Variants in PRKN observed in about 807,000 individuals in gnomAD.
PRKN encodes parkin RBR E3 ubiquitin protein ligase.
A neutral mutation model predicts 59.5 loss-of-function variants in PRKN; 56 were observed. The observed-to-expected ratio is 0.94, with a 90% CI of 0.76 to 1.18. The LOEUF is 1.18. Ranked by LOEUF, PRKN falls within the 50% of genes most tolerant of loss-of-function variation. The probability of loss-of-function intolerance (pLI) is 0.00; values close to 1 mark genes in which losing one functional copy is unlikely to be tolerated. For missense variants in PRKN, 657 were observed against 596.4 expected, an observed-to-expected ratio of 1.10 and a Z score of -1.06; for synonymous variants, 250 against 222.1, an observed-to-expected ratio of 1.13 and a Z score of -1.12.
At chr6:161,802,569 TG>T (rs1276700640) in intron 6 of PRKN, among the ~76,000 whole-genome samples, 1 of 152,062 alleles carries the variant, frequency 6.6e-6, no homozygotes, top group African/African-American at 2.4e-5. Flanking sequence ...GCTTCCCCAA[TG>T]GTCACGTGGC....
chr6:162,061,547 T>G (rs2128287840), intron 4 of PRKN, among the ~76,000 whole-genome samples: 1 of 152,264 alleles, frequency 6.6e-6, no homozygotes, highest in East Asian at 1.9e-4. Flanking sequence ...TTATAACTCT[T>G]CTAAAGCATG....
At chr6:162,230,709 C>T (rs764267761) in intron 3 of PRKN, among the ~76,000 whole-genome samples, 6 of 152,168 alleles carry the variant, frequency 3.9e-5, no homozygotes, top group African/African-American at 1.4e-4. Flanking sequence ...GAGAGAATCC[C>T]ATTCTTGCTT....
chr6:162,003,600 G>A (rs1394837774), intron 5 of PRKN, among the ~76,000 whole-genome samples: 2 of 152,036 alleles, frequency 1.3e-5, no homozygotes, highest in African/African-American at 4.8e-5. Context: ...TTATTTACAT[G>A]CTGAAACTGT....
At position 161,390,779 on chromosome 6, in the gene PRKN, G is replaced by A. The variant is rs111996014; in HGVS notation, c.1084-3902C>T. 2.6e-5 allele frequency among the ~76,000 whole-genome samples: 4 copies of A among 152,226 alleles called. No individual in the cohort carries two copies. Among genetic ancestry groups the A allele is most frequent in the African/African-American group, 7.2e-5 (3 of 41,504 alleles). ...GCTGGGATTACAGGCATGAGCCACC[G>A]TGCCTGGCCAAGACGTGATTATTTT... On this transcript the variant is annotated intron_variant, in intron 9 of 11. Transcript: ENST00000366898. This position sits in a 1 kb window ranked among gnomAD's most constrained non-coding sequence, Gnocchi z 7.0.
chr6:161,932,813 C>T (rs568473288), intron 6 of PRKN, among the ~76,000 whole-genome samples: 118 of 151,536 alleles, frequency 7.8e-4, no homozygotes, highest in African/African-American at 2.6e-3. Context: ...AAAAGAAAAA[C>T]ATATTTATGC....
chr6:161,616,832 C>T (rs946575525), intron 7 of PRKN, among the ~76,000 whole-genome samples: 2 of 151,984 alleles, frequency 1.3e-5, no homozygotes, highest in African/African-American at 4.8e-5. Flanking sequence ...GGGTTGGTTC[C>T]AAGTCTTTGC....
chr6:162,615,044 TTA>T (rs931991004), intron 1 of PRKN, among the ~76,000 whole-genome samples: 5 of 152,148 alleles, frequency 3.3e-5, no homozygotes, highest in Admixed American at 2.6e-4. Context: ...AAGAAGATCA[TTA>T]TGTCTTAATG....
chr6:162,259,589 G>C (rs931701067), intron 3 of PRKN, among the ~76,000 whole-genome samples: 1 of 152,212 alleles, frequency 6.6e-6, no homozygotes, highest in Non-Finnish European at 1.5e-5. Flanking sequence ...TAGGCATACT[G>C]TTTGCATATA....
intron 7 of PRKN, among the ~76,000 whole-genome samples, chr6:161,760,715 C>T (rs1789162856): frequency 6.6e-6 from 1 of 152,178 alleles, no homozygotes; most frequent in South Asian, 2.1e-4. Context: ...CATGGCTGAA[C>T]TAAGGAAAAG....
intron 4 of PRKN, among the ~76,000 whole-genome samples, chr6:162,116,374 A>G (rs1468036885): frequency 1.3e-5 from 2 of 152,190 alleles, no homozygotes; most frequent in Non-Finnish European, 2.9e-5. Context: ...TTGGGTCTCA[A>G]TTGCTGATCA....
chr6:162,191,564 T>A (rs1223418395), intron 4 of PRKN, among the ~76,000 whole-genome samples: 2 of 152,140 alleles, frequency 1.3e-5, no homozygotes, highest in African/African-American at 4.8e-5. Flanking sequence ...TGCCTCAGCC[T>A]CCTGAGTAGC....
rs571921088 is a variant in PRKN at position 161,539,803 on chromosome 6, A to G, written c.1083+9051T>C. On this transcript the variant is annotated intron_variant, in intron 9 of 11. Coordinates refer to ENST00000366898, the MANE Select transcript of PRKN (RefSeq NM_004562.3). ...TGATTCTTTCCAGAAAATATCTTAT[A>G]TGCTCATGTGCATGGATCCCCTTTT... is the stretch of plus-strand genomic sequence containing the variant. Among the ~76,000 whole-genome samples the G allele has an allele frequency of 2.6e-5, 4 of 152,240 alleles. No individual in the cohort carries two copies. The South Asian group carries it at 6.2e-4, about 24-fold the overall frequency.
chr6:161,780,663 G>A lies in PRKN; in HGVS notation c.871+5109C>T, dbSNP rs181741246. On this transcript the variant is annotated intron_variant, in intron 7 of 11. Coordinates refer to ENST00000366898, the MANE Select transcript of PRKN (RefSeq NM_004562.3). Reference sequence around the variant, plus strand: ...GATAGAAGTAATAATCTAAACATGAGGAAAATGAGAAAACGGCAACACTGA... The same window carrying A: ...GATAGAAGTAATAATCTAAACATGAAGAAAATGAGAAAACGGCAACACTGA... Among the ~76,000 whole-genome samples, 900 of 152,208 alleles carry A rather than the reference G, an allele frequency of 5.9e-3. 4 individuals are homozygous for A. Among genetic ancestry groups the A allele is most frequent in the Non-Finnish European group, 8.3e-3 (566 of 67,998 alleles).
At chr6:161,859,143 AC>A (rs1203534875) in intron 6 of PRKN, among the ~76,000 whole-genome samples, 1 of 151,004 alleles carries the variant, frequency 6.6e-6, no homozygotes, top group Non-Finnish European at 1.5e-5. Flanking sequence ...TGCTGGGATT[AC>A]AGGCATAAGC....
intron 6 of PRKN, among the ~76,000 whole-genome samples, chr6:161,951,319 G>A (rs532150928): frequency 7.2e-5 from 11 of 152,298 alleles, no homozygotes; most frequent in Non-Finnish European, 1.6e-4. Context: ...CTGGAGAAGT[G>A]CTTTTAATCT....
At chr6:161,845,180 G>A (rs1383704654) in intron 6 of PRKN, among the ~76,000 whole-genome samples, 2 of 152,168 alleles carry the variant, frequency 1.3e-5, no homozygotes, top group East Asian at 3.9e-4. Context: ...CTCAACCAGT[G>A]GACCAAACAA....
intron 1 of PRKN, among the ~76,000 whole-genome samples, chr6:162,601,944 A>T (rs993455619): frequency 6.6e-6 from 1 of 152,204 alleles, no homozygotes; most frequent in African/African-American, 2.4e-5. Context: ...CTGAAGACTC[A>T]TTTATTCAAC....
chr6:162,434,683 A>C (rs1789688640), intron 2 of PRKN, among the ~76,000 whole-genome samples: 2 of 152,180 alleles, frequency 1.3e-5, no homozygotes, highest in South Asian at 4.1e-4. Flanking sequence ...TATCTAAGGA[A>C]GATCAATGCT....
intron 9 of PRKN, among the ~76,000 whole-genome samples, chr6:161,489,568 C>A (rs1017737443): frequency 6.6e-6 from 1 of 151,956 alleles, no homozygotes; most frequent in Non-Finnish European, 1.5e-5. Flanking sequence ...TCAAAAACAA[C>A]AACAACAAAC....
Sources: gnomAD v4.1 joint callset for allele counts (sites outside exome capture counted in the v4.1 genomes callset) on GRCh38, gnomAD v4.1.1 for gene constraint, Gnocchi (gnomAD v3.1) non-coding constraint, MANE v1.5 for transcripts, NCBI Gene and HGNC (gene_info 2026-07-23, HGNC 2026-07-21) for gene names.